SLC24A2: variants seen among roughly 807,000 people sequenced by gnomAD.
SLC24A2 encodes solute carrier family 24 member 2, also known as sodium/potassium/calcium exchanger 2.
Under a neutral mutation model 62.0 loss-of-function variants are expected in SLC24A2, and 36 were observed. The ratio of observed to expected loss-of-function variants is 0.58; its 90% CI spans 0.44 to 0.77. The LOEUF (loss-of-function observed/expected upper bound fraction) is 0.77, where lower values mean the gene tolerates loss of function less well. Ranked by LOEUF, SLC24A2 falls within the 30% of genes least tolerant of loss-of-function variation. SLC24A2 has a pLI of 0.00. For synonymous variants in SLC24A2, 358 were observed against 294.0 expected (o/e 1.22, Z -2.23); for missense variants, 846 against 817.9 (o/e 1.03, Z -0.42).
At chr9:19,569,356 A>G (rs1228648779) in intron 7 of SLC24A2, among the ~76,000 whole-genome samples, 1 of 152,166 alleles carries the variant, frequency 6.6e-6, no homozygotes, top group African/African-American at 2.4e-5. Flanking sequence ...GTAATTTTCT[A>G]TTCTGATCCC....
intron 2 of SLC24A2, among the ~76,000 whole-genome samples, chr9:19,629,554 G>T (rs1043363036): frequency 3.3e-5 from 5 of 152,116 alleles, no homozygotes; most frequent in Non-Finnish European, 7.4e-5. Context: ...AGGTCATAGG[G>T]GCACTTTTTA....
At chr9:20,216,665 G>C in the SLC24A2 span, among the ~76,000 whole-genome samples, 1 of 152,130 alleles carries the variant, frequency 6.6e-6, no homozygotes, top group Non-Finnish European at 1.5e-5. Flanking sequence ...AGGTTAAATG[G>C]ACAGATACTA....
intron 1 of SLC24A2, among the ~76,000 whole-genome samples, chr9:19,787,225 A>T (rs528192316): frequency 6.6e-6 from 1 of 152,344 alleles, no homozygotes; most frequent in African/African-American, 2.4e-5. Flanking sequence ...GAGTAAAAAC[A>T]TATGTAGCAC....
chr9:19,963,729 G>C, the SLC24A2 span, among the ~76,000 whole-genome samples: 7 of 152,074 alleles, frequency 4.6e-5, no homozygotes, highest in East Asian at 1.4e-3. Flanking sequence ...ACAGCTGCTG[G>C]AGAGGATGTG....
At chr9:20,074,598 GAAGGAAAGAAGGGAGT>G in the SLC24A2 span, among the ~76,000 whole-genome samples, 49 of 64,404 alleles carry the variant, frequency 7.6e-4, no homozygotes, top group African/African-American at 2.8e-3. Context: ...AGGAAGGAAG[GAAGGAAAGAAGGGAGT>G]GAGGGAGGGA....
chr9:19,686,790 G>C (rs1348302122), intron 2 of SLC24A2, among the ~76,000 whole-genome samples: 1 of 152,066 alleles, frequency 6.6e-6, no homozygotes, highest in Non-Finnish European at 1.5e-5. Flanking sequence ...CCAGCCTTGG[G>C]TATGTCTTTA....
At chr9:20,006,756 A>C in the SLC24A2 span, among the ~76,000 whole-genome samples, 1 of 152,186 alleles carries the variant, frequency 6.6e-6, no homozygotes, top group Non-Finnish European at 1.5e-5. Flanking sequence ...TTTTAGGGGC[A>C]GTCTATACAG....
the SLC24A2 span, among the ~76,000 whole-genome samples, chr9:19,984,523 T>G: frequency 1.1e-4 from 16 of 152,104 alleles, no homozygotes; most frequent in Non-Finnish European, 2.2e-4. Flanking sequence ...CTGGCCAACA[T>G]GGTGAAACCC....
intron 2 of SLC24A2, among the ~76,000 whole-genome samples, chr9:19,684,869 G>A (rs1405720673): frequency 6.6e-6 from 1 of 151,996 alleles, no homozygotes; most frequent in East Asian, 1.9e-4. Flanking sequence ...GCAAGAGAAA[G>A]AAATAAAAGG....
At chr9:20,274,928 C>T in the SLC24A2 span, among the ~76,000 whole-genome samples, 1 of 152,120 alleles carries the variant, frequency 6.6e-6, no homozygotes, top group Non-Finnish European at 1.5e-5. Context: ...GAAGAGGTGA[C>T]CCTTAGTGGC....
At chr9:20,107,475 T>C in the SLC24A2 span, among the ~76,000 whole-genome samples, 1 of 152,186 alleles carries the variant, frequency 6.6e-6, no homozygotes, top group African/African-American at 2.4e-5. Context: ...CAAAACAGCA[T>C]GGTGCTGGTA....
chr9:20,267,519 A>G, the SLC24A2 span, among the ~76,000 whole-genome samples: 19 of 152,242 alleles, frequency 1.2e-4, no homozygotes, highest in African/African-American at 4.3e-4. Context: ...TAACACTCTG[A>G]AAAAGGGGTT....
intron 2 of SLC24A2, among the ~76,000 whole-genome samples, chr9:19,626,865 T>C (rs377208864): frequency 6.0e-4 from 92 of 152,256 alleles, no homozygotes; most frequent in African/African-American, 2.0e-3. Flanking sequence ...TCAAAGCCTA[T>C]TGGGAAGACT....
chr9:20,222,900 T>C, the SLC24A2 span, among the ~76,000 whole-genome samples: 1 of 152,056 alleles, frequency 6.6e-6, no homozygotes, highest in Non-Finnish European at 1.5e-5. Context: ...TTCGCTTTAA[T>C]ACGGTAATGA....
the SLC24A2 span, among the ~76,000 whole-genome samples, chr9:20,130,924 C>T: frequency 2.5e-3 from 383 of 151,364 alleles, 1 homozygote; most frequent in Admixed American, 3.9e-3. Flanking sequence ...TGCCCAGACC[C>T]AGCCTCAGTA....
At chr9:20,297,403 G>A in the SLC24A2 span, among the ~76,000 whole-genome samples, 60 of 152,296 alleles carry the variant, frequency 3.9e-4, 1 homozygote, top group East Asian at 6.8e-3. Context: ...AACAGGAAAC[G>A]AGGCTGCAGT....
chr9:20,022,176 T>C, the SLC24A2 span, among the ~76,000 whole-genome samples: 1 of 152,200 alleles, frequency 6.6e-6, no homozygotes, highest in African/African-American at 2.4e-5. Context: ...TCCCTCTGGG[T>C]CTAAAATGAA....
chr9:19,791,521 A>G (rs948401242), upstream of SLC24A2, among the ~76,000 whole-genome samples: 3 of 152,236 alleles, frequency 2.0e-5, no homozygotes, highest in African/African-American at 4.8e-5. Flanking sequence ...AATGAGATCC[A>G]TATTCGACTC....
the SLC24A2 span, among the ~76,000 whole-genome samples, chr9:20,298,643 A>G: frequency 6.6e-6 from 1 of 152,258 alleles, no homozygotes; most frequent in Non-Finnish European, 1.5e-5. Context: ...AATGATTTCT[A>G]TTAGCAGCCA....
Sources: allele counts gnomAD v4.1 joint callset (sites outside exome capture counted in the v4.1 genomes callset), GRCh38; gene constraint gnomAD v4.1.1; transcripts MANE v1.5; gene names NCBI Gene and HGNC (gene_info 2026-07-23, HGNC 2026-07-21).